FER: variants seen among roughly 807,000 people sequenced by gnomAD.
The protein encoded by FER is tyrosine-protein kinase Fer.
A neutral mutation model predicts 111.0 loss-of-function variants in FER; 63 were observed. That is an observed-to-expected ratio of 0.57 (90% CI 0.46 to 0.70). The LOEUF (loss-of-function observed/expected upper bound fraction) is 0.70, where lower values mean the gene tolerates loss of function less well. FER is among the 30% of genes least tolerant of loss of function. FER has a pLI of 0.00. For synonymous variants in FER, 327 were observed against 313.9 expected (o/e 1.04, Z -0.44); for missense variants, 914 against 954.0 (o/e 0.96, Z 0.55).
At chr5:108,788,936 A>G (rs896083517) in intron 2 of FER, among the ~76,000 whole-genome samples, 10 of 152,334 alleles carry the variant, frequency 6.6e-5, no homozygotes, top group East Asian at 3.9e-4. Context: ...TAGGTCAAGA[A>G]TCTTTCATTT....
chr5:108,901,260 A>G (rs1195163038), intron 10 of FER, among the ~76,000 whole-genome samples: 1 of 151,938 alleles, frequency 6.6e-6, no homozygotes, highest in Non-Finnish European at 1.5e-5. Context: ...CTTCACAACT[A>G]TGCTAATGAG....
chr5:108,799,820 T>A (rs576520187), intron 3 of FER, among the ~76,000 whole-genome samples: 2 of 151,942 alleles, frequency 1.3e-5, no homozygotes, highest in East Asian at 3.9e-4. Flanking sequence ...TCTGCTTCAT[T>A]TATCCCTCTT....
chr5:109,009,091 A>G (rs1581629914), intron 13 of FER, among the ~76,000 whole-genome samples: 1 of 116,400 alleles, frequency 8.6e-6, no homozygotes, highest in Non-Finnish European at 1.6e-5. Context: ...TCTGTTGTCT[A>G]GGCTGGAATG....
chr5:109,080,313 T>G (rs986526957), intron 16 of FER, among the ~76,000 whole-genome samples: 1 of 152,128 alleles, frequency 6.6e-6, no homozygotes, highest in Non-Finnish European at 1.5e-5. Context: ...AGTGGCTTAC[T>G]AGTCTGTGCT....
chr5:108,960,176 T>G (rs888022606), intron 13 of FER, among the ~76,000 whole-genome samples: 4 of 152,164 alleles, frequency 2.6e-5, no homozygotes, highest in Non-Finnish European at 5.9e-5. Context: ...TGCTTTTAAT[T>G]TGAAGTAAGT....
chr5:109,066,473 A>G (rs1163387407), intron 16 of FER, among the ~76,000 whole-genome samples: 1 of 152,230 alleles, frequency 6.6e-6, no homozygotes, highest in African/African-American at 2.4e-5. Flanking sequence ...TAAGAATCAA[A>G]TTTATACTTC....
intron 10 of FER, among the ~76,000 whole-genome samples, chr5:108,919,319 A>G (rs989490382): frequency 3.3e-5 from 5 of 151,216 alleles, no homozygotes; most frequent in Admixed American, 2.0e-4. Flanking sequence ...CAGTATTTCT[A>G]TAGGTTTTAG....
At chr5:109,168,421 G>A (rs894794929) in intron 17 of FER, among the ~76,000 whole-genome samples, 2 of 152,154 alleles carry the variant, frequency 1.3e-5, no homozygotes, top group African/African-American at 2.4e-5. Context: ...CAATCTCTGG[G>A]GAGTGAAGGA....
intron 13 of FER, among the ~76,000 whole-genome samples, chr5:108,985,096 A>G (rs193235410): frequency 2.0e-5 from 3 of 152,156 alleles, no homozygotes; most frequent in African/African-American, 7.2e-5. Context: ...CAAATAACTC[A>G]TAAAAATAGG....
chr5:109,002,645 T>G (rs1764945183), intron 13 of FER, among the ~76,000 whole-genome samples: 1 of 152,090 alleles, frequency 6.6e-6, no homozygotes, highest in Non-Finnish European at 1.5e-5. Context: ...AACTAAAAAC[T>G]TCTGCACAGC....
chr5:109,106,274 T>C (rs1748915715), intron 17 of FER, among the ~76,000 whole-genome samples: 1 of 152,246 alleles, frequency 6.6e-6, no homozygotes, highest in East Asian at 1.9e-4. Context: ...CAAACCAAGA[T>C]GTTTTTATCA....
chr5:108,799,547 G>C (rs1756403694), intron 3 of FER, among the ~76,000 whole-genome samples: 1 of 152,072 alleles, frequency 6.6e-6, no homozygotes, highest in South Asian at 2.1e-4. Context: ...GCCAGAGATG[G>C]CCACAAAAAA....
intron 13 of FER, among the ~76,000 whole-genome samples, chr5:109,024,522 C>A (rs950168631): frequency 6.6e-6 from 1 of 152,114 alleles, no homozygotes. Context: ...CAGTGCCAAG[C>A]CCATCTGATA....
intron 17 of FER, among the ~76,000 whole-genome samples, chr5:109,119,744 A>G (rs145327874): frequency 3.0e-4 from 45 of 152,080 alleles, no homozygotes; most frequent in Admixed American, 6.5e-4. Flanking sequence ...CAGATAGTGT[A>G]CCAAGAGTTC....
At chr5:108,998,648 T>G (rs529156685) in intron 13 of FER, among the ~76,000 whole-genome samples, 1 of 152,314 alleles carries the variant, frequency 6.6e-6, no homozygotes, top group South Asian at 2.1e-4. Flanking sequence ...CCTAGTTTAT[T>G]GAGAGTTTTT....
intron 6 of FER, among the ~76,000 whole-genome samples, chr5:108,868,279 A>C (rs1470080531): frequency 2.0e-5 from 3 of 152,098 alleles, no homozygotes; most frequent in Admixed American, 2.0e-4. Flanking sequence ...AATCTTGAAC[A>C]ACTGAAGAGG....
intron 2 of FER, among the ~76,000 whole-genome samples, chr5:108,770,176 G>T (rs879778986): frequency 6.6e-6 from 1 of 152,144 alleles, no homozygotes. Context: ...TCGAACTCCC[G>T]GCCTCAGGTG....
chr5:109,177,578 G>A (rs889185721), intron 17 of FER: 3 of 152,158 alleles, frequency 2.0e-5, no homozygotes, highest in African/African-American at 7.2e-5. Context: ...GTGCTTTCTA[G>A]ACAGTGAAGA....
At chr5:108,753,868 A>C (rs977111515) in intron 1 of FER, among the ~76,000 whole-genome samples, 1 of 152,174 alleles carries the variant, frequency 6.6e-6, no homozygotes, top group Non-Finnish European at 1.5e-5. Flanking sequence ...GTTGAACTAG[A>C]GTCCATATGG....
Sources: allele counts gnomAD v4.1 joint callset (sites outside exome capture counted in the v4.1 genomes callset), GRCh38; gene constraint gnomAD v4.1.1; transcripts MANE v1.5; gene names NCBI Gene and HGNC (gene_info 2026-07-23, HGNC 2026-07-21).